The following NOS1AP variants were observed in gnomAD, a reference collection of about 807,000 sequenced individuals.
NOS1AP encodes carboxyl-terminal PDZ ligand of neuronal nitric oxide synthase protein.
Under a neutral mutation model 56.2 loss-of-function variants are expected in NOS1AP, and 21 were observed. That is an observed-to-expected ratio of 0.37 (90% CI 0.26 to 0.54). The LOEUF is 0.54. Among genes scored for constraint, NOS1AP ranks in the 20% least tolerant of loss-of-function variants. The probability of loss-of-function intolerance (pLI) is 0.84; values close to 1 mark genes in which losing one functional copy is unlikely to be tolerated. For synonymous variants in NOS1AP, 270 were observed against 274.6 expected, an observed-to-expected ratio of 0.98 and a Z score of 0.17; for missense variants, 522 against 657.8, an observed-to-expected ratio of 0.79 and a Z score of 2.26.
In NOS1AP at chr1:162,140,970, C is replaced by T. The variant is rs78680745; in HGVS notation, c.106-13435C>T. ...AGTGTCTATTCATGTTCTTTGCCTA[C>T]GTTTTATTGGATTTGTTTTTTTGCT... On this transcript the variant is annotated intron_variant, in intron 1 of 9. Transcript: ENST00000361897. Among the ~76,000 whole-genome samples the T allele has an allele frequency of 3.0e-3, 458 of 152,128 alleles. 4 individuals carry two copies. The highest frequency in any genetic ancestry group is 0.01 in the African/African-American group (424 of 41,502).
chr1:162,294,490 G>T (rs1358800846), intron 3 of NOS1AP, among the ~76,000 whole-genome samples: 1 of 152,164 alleles, frequency 6.6e-6, no homozygotes, highest in African/African-American at 2.4e-5. Context: ...GTGACTGGAG[G>T]TCTGTGGTGT....
chr1:162,235,791 C>T (rs1653272272), intron 2 of NOS1AP, among the ~76,000 whole-genome samples: 1 of 152,230 alleles, frequency 6.6e-6, no homozygotes. Flanking sequence ...GGAGCACTTG[C>T]CTGACTCACT....
intron 1 of NOS1AP, among the ~76,000 whole-genome samples, chr1:162,117,988 A>G (rs970861263): frequency 2.0e-5 from 3 of 152,214 alleles, no homozygotes; most frequent in Non-Finnish European, 4.4e-5. Context: ...AACATTTATC[A>G]TATCTTCTAG....
intron 2 of NOS1AP, among the ~76,000 whole-genome samples, chr1:162,179,858 A>C (rs764875487): frequency 6.6e-6 from 1 of 152,232 alleles, no homozygotes; most frequent in Non-Finnish European, 1.5e-5. Flanking sequence ...GATTTTTAGC[A>C]GAGAATAAAT....
intron 1 of NOS1AP, among the ~76,000 whole-genome samples, chr1:162,110,927 G>A (rs1015470414): frequency 6.6e-6 from 1 of 152,206 alleles, no homozygotes; most frequent in African/African-American, 2.4e-5. Context: ...TAGCCATTAA[G>A]TCACTCACTG....
intron 2 of NOS1AP, among the ~76,000 whole-genome samples, chr1:162,215,307 G>A (rs543461653): frequency 2.2e-4 from 33 of 152,326 alleles, no homozygotes; most frequent in Admixed American, 1.1e-3. Flanking sequence ...ACTCGACTGC[G>A]GTCATGCCAC....
intron 2 of NOS1AP, among the ~76,000 whole-genome samples, chr1:162,231,484 A>G (rs2101669225): frequency 6.6e-6 from 1 of 152,328 alleles, no homozygotes; most frequent in East Asian, 1.9e-4. Flanking sequence ...ATTTTAATGC[A>G]GTCCAATGTA....
intron 5 of NOS1AP, among the ~76,000 whole-genome samples, chr1:162,342,382 T>C (rs187587913): frequency 8.3e-4 from 127 of 152,346 alleles, no homozygotes; most frequent in Middle Eastern, 3.4e-3. Context: ...TTAGTCAAGA[T>C]GCCTTTCACA....
At chr1:162,293,349 A>T (rs1386618778) in intron 3 of NOS1AP, among the ~76,000 whole-genome samples, 2 of 152,342 alleles carry the variant, frequency 1.3e-5, no homozygotes, top group South Asian at 4.1e-4. Context: ...AATGAATGTC[A>T]GTACAAATTT....
chr1:162,262,095 A>C (rs1654258692), intron 2 of NOS1AP, among the ~76,000 whole-genome samples: 1 of 152,060 alleles, frequency 6.6e-6, no homozygotes, highest in Non-Finnish European at 1.5e-5. Context: ...AAAAAGCATA[A>C]ATTTCTCTGG....
intron 1 of NOS1AP, among the ~76,000 whole-genome samples, chr1:162,146,194 G>C (rs1245706835): frequency 6.6e-6 from 1 of 152,178 alleles, no homozygotes; most frequent in Non-Finnish European, 1.5e-5. Context: ...GGCTTTTACA[G>C]ACCCATAGCA....
chr1:162,304,138 A>G (rs1263767107), intron 4 of NOS1AP, among the ~76,000 whole-genome samples: 1 of 152,062 alleles, frequency 6.6e-6, no homozygotes, highest in East Asian at 1.9e-4. Flanking sequence ...TCAATTTTTT[A>G]TGTGGTATGA....
At chr1:162,331,979 A>T (rs1394386726) in intron 4 of NOS1AP, among the ~76,000 whole-genome samples, 2 of 152,232 alleles carry the variant, frequency 1.3e-5, no homozygotes, top group Non-Finnish European at 2.9e-5. Flanking sequence ...TAAGCAAGTC[A>T]GTCCTCTGCT....
intron 4 of NOS1AP, among the ~76,000 whole-genome samples, chr1:162,311,237 G>A (rs1656016447): frequency 6.6e-6 from 1 of 152,078 alleles, no homozygotes; most frequent in Non-Finnish European, 1.5e-5. Flanking sequence ...CTGTTCTTCT[G>A]TGTTGCCCTG....
intron 4 of NOS1AP, among the ~76,000 whole-genome samples, chr1:162,320,768 C>T (rs538111155): frequency 1.3e-5 from 2 of 152,080 alleles, no homozygotes; most frequent in East Asian, 1.9e-4. Context: ...GCAGGAGAAT[C>T]GCTTGAACCA....
chr1:162,100,163 G>A (rs1692349879), intron 1 of NOS1AP, among the ~76,000 whole-genome samples: 1 of 152,180 alleles, frequency 6.6e-6, no homozygotes, highest in Non-Finnish European at 1.5e-5. Context: ...TGGGATGGCT[G>A]GGTCAAATGG....
intron 1 of NOS1AP, among the ~76,000 whole-genome samples, chr1:162,076,544 C>A (rs1326602540): frequency 6.6e-6 from 1 of 152,130 alleles, no homozygotes; most frequent in Admixed American, 6.5e-5. Flanking sequence ...GCACCACAGT[C>A]AATTTTAGAA....
At chr1:162,251,392 T>C (rs1402516111) in intron 2 of NOS1AP, among the ~76,000 whole-genome samples, 1 of 152,138 alleles carries the variant, frequency 6.6e-6, no homozygotes, top group Non-Finnish European at 1.5e-5. Flanking sequence ...AGTCAACGTT[T>C]TATGTGTCCT....
At chr1:162,208,420 C>A (rs746692728) in intron 2 of NOS1AP, among the ~76,000 whole-genome samples, 2 of 152,160 alleles carry the variant, frequency 1.3e-5, no homozygotes, top group Non-Finnish European at 2.9e-5. Context: ...ACATACATAT[C>A]CTCAATAAAT....
Sources: gnomAD v4.1 joint callset for allele counts (sites outside exome capture counted in the v4.1 genomes callset) on GRCh38, gnomAD v4.1.1 for gene constraint, MANE v1.5 for transcripts, NCBI Gene and HGNC (gene_info 2026-07-23, HGNC 2026-07-21) for gene names.